ZMAT4: variants seen among roughly 807,000 people sequenced by gnomAD.
The protein encoded by ZMAT4 is zinc finger matrin-type 4.
In ZMAT4, 17 loss-of-function variants were observed where a neutral mutation model predicts 28.7. The observed-to-expected ratio is 0.59, with a 90% CI of 0.41 to 0.89. The LOEUF (loss-of-function observed/expected upper bound fraction) is 0.89, where lower values mean the gene tolerates loss of function less well. Ranked by LOEUF, ZMAT4 falls within the 40% of genes least tolerant of loss-of-function variation. The probability of loss-of-function intolerance (pLI) is 0.00; values close to 1 mark genes in which losing one functional copy is unlikely to be tolerated. For synonymous variants in ZMAT4, 117 were observed against 109.2 expected, an observed-to-expected ratio of 1.07 and a Z score of -0.44; for missense variants, 240 against 283.8, an observed-to-expected ratio of 0.85 and a Z score of 1.11.
chr8:40,753,709 C>G (rs1355322601), intron 3 of ZMAT4, among the ~76,000 whole-genome samples: 1 of 152,164 alleles, frequency 6.6e-6, no homozygotes, highest in Admixed American at 6.5e-5. Flanking sequence ...ACCTCAGGTT[C>G]TAGAGCCAAA....
At chr8:40,883,970 C>G (rs953851414) in intron 1 of ZMAT4, among the ~76,000 whole-genome samples, 11 of 152,158 alleles carry the variant, frequency 7.2e-5, no homozygotes, top group African/African-American at 2.7e-4. Flanking sequence ...CAGTGAAAAG[C>G]TCAAGTGATA....
intron 5 of ZMAT4, among the ~76,000 whole-genome samples, chr8:40,630,526 A>G (rs979465528): frequency 6.6e-6 from 1 of 152,230 alleles, no homozygotes; most frequent in South Asian, 2.1e-4. Flanking sequence ...CATCATGCTG[A>G]CGATTAGTCT....
chr8:40,702,590 C>T (rs1267362271), intron 3 of ZMAT4, among the ~76,000 whole-genome samples: 6 of 152,276 alleles, frequency 3.9e-5, no homozygotes, highest in Admixed American at 2.0e-4. Flanking sequence ...AAACACCTTT[C>T]CCTTTTGTTA....
chr8:40,891,264 G>GGGGGGGA (rs1818671311), intron 1 of ZMAT4, among the ~76,000 whole-genome samples: 1 of 112,306 alleles, frequency 8.9e-6, no homozygotes, highest in Non-Finnish European at 1.9e-5. Context: ...GGGGAGGGGG[G>GGGGGGGA]AGGGGGAAGG....
chr8:40,786,700 C>G, intron 2 of ZMAT4: 3 of 1,288,882 alleles, frequency 2.3e-6, no homozygotes, highest in Non-Finnish European at 3.0e-6. Flanking sequence ...GGTCAGAATT[C>G]ACACAGCCAC....
At chr8:40,845,848 A>G (rs7837405) in intron 1 of ZMAT4, among the ~76,000 whole-genome samples, 24,396 of 151,362 alleles carry the variant, frequency 0.16, 2,164 homozygotes, top group East Asian at 0.24. Context: ...AATGTACTTA[A>G]CAATGATAGA....
intron 1 of ZMAT4, among the ~76,000 whole-genome samples, chr8:40,885,850 AC>A (rs1417318863): frequency 1.3e-5 from 2 of 151,996 alleles, no homozygotes; most frequent in African/African-American, 4.8e-5. Context: ...TATAAGTGAG[AC>A]CCTCTCACTC....
At chr8:40,626,112 GAAA>G (rs34224019) in intron 5 of ZMAT4, among the ~76,000 whole-genome samples, 72,297 of 128,444 alleles carry the variant, frequency 0.56, 20,325 homozygotes, top group East Asian at 0.68. Context: ...CTCTGCCTCA[GAAA>G]AAAAAAAAAA....
At chr8:40,623,440 C>A (rs75845734) in intron 5 of ZMAT4, among the ~76,000 whole-genome samples, 4 of 152,302 alleles carry the variant, frequency 2.6e-5, no homozygotes, top group African/African-American at 9.6e-5. Flanking sequence ...CTAGCAAATG[C>A]CCAGCAGAAC....
chr8:40,745,708 C>A (rs1196603040), intron 3 of ZMAT4, among the ~76,000 whole-genome samples: 1 of 152,096 alleles, frequency 6.6e-6, no homozygotes, highest in Non-Finnish European at 1.5e-5. Context: ...GGCAATATTC[C>A]CCCATTTCCA....
intron 2 of ZMAT4, among the ~76,000 whole-genome samples, chr8:40,772,891 C>T (rs1436771562): frequency 6.6e-6 from 1 of 152,178 alleles, no homozygotes; most frequent in Non-Finnish European, 1.5e-5. Context: ...AAACACCAAA[C>T]ATCTAGAACA....
At chr8:40,651,701 A>C (rs1239176861) in intron 5 of ZMAT4, among the ~76,000 whole-genome samples, 1 of 151,976 alleles carries the variant, frequency 6.6e-6, no homozygotes, top group Admixed American at 6.6e-5. Context: ...CAGTAACCAA[A>C]ACAGCATGTT....
chr8:40,746,722 CA>C, intron 3 of ZMAT4, among the ~76,000 whole-genome samples: 1 of 151,972 alleles, frequency 6.6e-6, no homozygotes, highest in East Asian at 1.9e-4. Context: ...ATGATATTGT[CA>C]CTCCTTCCCT....
intron 1 of ZMAT4, among the ~76,000 whole-genome samples, chr8:40,855,942 C>A (rs931779200): frequency 2.6e-5 from 4 of 152,004 alleles, no homozygotes; most frequent in African/African-American, 9.7e-5. Context: ...CCACCCACCT[C>A]GACCTCCCAA....
chr8:40,815,375 A>G (rs1815488439), intron 2 of ZMAT4, among the ~76,000 whole-genome samples: 2 of 152,220 alleles, frequency 1.3e-5, no homozygotes, highest in African/African-American at 4.8e-5. Context: ...TGGTTGCTGG[A>G]TGTGACCATG....
intron 1 of ZMAT4, among the ~76,000 whole-genome samples, chr8:40,875,705 G>A (rs1467070452): frequency 6.6e-6 from 1 of 152,082 alleles, no homozygotes; most frequent in Non-Finnish European, 1.5e-5. Flanking sequence ...TGCAACTGAG[G>A]TCATGCTACT....
intron 5 of ZMAT4, among the ~76,000 whole-genome samples, chr8:40,589,674 A>G (rs928221746): frequency 6.6e-6 from 1 of 151,268 alleles, no homozygotes; most frequent in Non-Finnish European, 1.5e-5. Flanking sequence ...CATTGGTGAC[A>G]TGAAACATCT....
rs546165427 is a variant in ZMAT4, at chr8:40,773,905, T to A, written c.103-6175A>T. Among the ~76,000 whole-genome samples, 32 of 152,000 alleles carry A rather than the reference T, an allele frequency of 2.1e-4. 1 individual carries two copies. In the South Asian group the frequency reaches 6.6e-3, roughly 32 times the overall value. On this transcript the variant is annotated intron_variant, in intron 2 of 6. Coordinates refer to ENST00000297737, the MANE Select transcript of ZMAT4 (RefSeq NM_024645.3). ...ATATGAAAAAACAGAACAAATATAA[T>A]ATGGCTTTAATGGCAGAATAAACAG...
intron 5 of ZMAT4, among the ~76,000 whole-genome samples, chr8:40,631,557 T>C (rs1563375848): frequency 6.6e-6 from 1 of 152,212 alleles, no homozygotes; most frequent in Non-Finnish European, 1.5e-5. Context: ...ATGCGAGATA[T>C]ATGCAGTTCC....
Sources: allele counts gnomAD v4.1 joint callset (sites outside exome capture counted in the v4.1 genomes callset), GRCh38; gene constraint gnomAD v4.1.1; transcripts MANE v1.5; gene names NCBI Gene and HGNC (gene_info 2026-07-23, HGNC 2026-07-21).